ZNF66: variants seen among roughly 807,000 people sequenced by gnomAD.
The protein encoded by ZNF66 is zinc finger protein 66.
ZNF66 carries 32 observed loss-of-function variants against 35.2 expected under a neutral mutation model. That is an observed-to-expected ratio of 0.91 (90% confidence interval 0.69 to 1.22). The LOEUF (loss-of-function observed/expected upper bound fraction) is 1.22. Among genes scored for constraint, ZNF66 ranks in the 50% most tolerant of loss-of-function variants. The pLI is 0.00. For missense variants in ZNF66, 666 were observed against 543.1 expected (o/e 1.23, Z -2.25); for synonymous variants, 231 against 181.3 (o/e 1.27, Z -2.20).
intron 3 of ZNF66, among the ~76,000 whole-genome samples, chr19:20,804,998 G>A (rs760982418): frequency 2.2e-4 from 33 of 151,992 alleles, no homozygotes; most frequent in Non-Finnish European, 3.7e-4. Context: ...TTTATGTCAT[G>A]GGAGACATTT....
Position 20,808,235 on chromosome 19 carries a change from C to G in ZNF66, c.*913C>G, listed in dbSNP as rs1339649087. Among the ~76,000 whole-genome samples the G allele has an allele frequency of 1.3e-5, 2 of 152,220 alleles. No homozygotes were observed. Among genetic ancestry groups the G allele is most frequent in the Non-Finnish European group, 2.9e-5 (2 of 68,038 alleles). ...GAACTGGGTGGAGCCCACCACAGCTCAAGGAGGCCTGCCTGCCTCTGTAGG... is the reference window on the plus strand; with the variant it reads ...GAACTGGGTGGAGCCCACCACAGCTGAAGGAGGCCTGCCTGCCTCTGTAGG... On this transcript the variant is annotated 3_prime_UTR_variant, in exon 4 of 4. Transcript: ENST00000344519.
chr19:20,803,867 A>C (rs452446), intron 3 of ZNF66, among the ~76,000 whole-genome samples: 14,127 of 152,088 alleles, frequency 0.093, 654 homozygotes, highest in Middle Eastern at 0.11. Context: ...TCTCACTTGA[A>C]AGCTTTTTTT....
chr19:20,799,277 G>C (rs916023794), intron 3 of ZNF66: 1 of 151,818 alleles, frequency 6.6e-6, no homozygotes, highest in Non-Finnish European at 1.5e-5. Context: ...GGCCAGGCTC[G>C]TCTCAAACTC....
chr19:20,790,875 T>C (rs1971330944), intron 1 of ZNF66, among the ~76,000 whole-genome samples: 1 of 152,192 alleles, frequency 6.6e-6, no homozygotes, highest in African/African-American at 2.4e-5. Context: ...TTTTCCTCCC[T>C]AAGGAGTTTG....
intron 3 of ZNF66, among the ~76,000 whole-genome samples, chr19:20,796,946 G>GC (rs1971397673): frequency 1.3e-5 from 2 of 152,164 alleles, no homozygotes; most frequent in African/African-American, 4.8e-5. Context: ...CACCTTCCAG[G>GC]TTCAAGCAAT....
intron 3 of ZNF66, among the ~76,000 whole-genome samples, chr19:20,805,515 A>G (rs900100542): frequency 9.9e-5 from 15 of 152,070 alleles, no homozygotes; most frequent in Non-Finnish European, 1.3e-4. Flanking sequence ...TAAAGGCACA[A>G]TGTTATACTG....
Position 20,808,977 on chromosome 19 carries a change from A to G in ZNF66, c.*1655A>G, listed in dbSNP as rs1395121056. 6.6e-6 allele frequency among the ~76,000 whole-genome samples: 1 copy of G among 152,142 alleles called. No homozygotes were observed. Among genetic ancestry groups the G allele is most frequent in the Non-Finnish European group, 1.5e-5 (1 of 68,028 alleles). On this transcript the variant is annotated 3_prime_UTR_variant, in exon 4 of 4. Coordinates refer to ENST00000344519, the MANE Select transcript of ZNF66 (RefSeq NM_001355197.2). ...TGTATAACTAGAATAACCAATGCAG[A>G]GAAATGCTTAAAGGAGCTGATGGAG...
chr19:20,806,670 C>A lies in ZNF66; in HGVS notation c.1070C>A (p.Thr357Asn), dbSNP rs746954167. 1.3e-6 allele frequency: 2 copies of A among 1,510,314 alleles called. No homozygotes were observed. The highest frequency in any genetic ancestry group is 2.3e-5 in the East Asian group (1 of 44,342). The allele number at this position is 1,510,314 out of a possible 1,614,324, so 93.6% of individuals were successfully genotyped here. ...GGCTTTAAGTACTCCTCTACCCTTA[C>A]TAAACATAAAATAATCCATACTGGA... is the stretch of plus-strand genomic sequence containing the variant. The part of the protein sequence containing the change: ...GKGFKYSSTL[T>N]KHKIIHTGEK... Residue 357 changes from threonine (T) to asparagine (N), a missense_variant, in exon 4 of 4, where the codon ACT becomes AAT. Coordinates refer to ENST00000344519, the MANE Select transcript of ZNF66 (RefSeq NM_001355197.2).
chr19:20,793,954 GGT>G, intron 3 of ZNF66, 76 bp downstream of exon 3: 1 of 693,728 alleles, frequency 1.4e-6, no homozygotes, highest in South Asian at 2.6e-5. Flanking sequence ...CAGTCCTTAA[GGT>G]GTGATTCTGG....
At chr19:20,777,620 A>AATTATTATT (rs150715481) in intron 1 of ZNF66, among the ~76,000 whole-genome samples, 24 of 150,280 alleles carry the variant, frequency 1.6e-4, no homozygotes, top group Admixed American at 5.3e-4. Flanking sequence ...TTCCTCAATT[A>AATTATTATT]ATTATTATTA....
chr19:20,779,743 A>G (rs1479243293), intron 1 of ZNF66, among the ~76,000 whole-genome samples: 4 of 142,920 alleles, frequency 2.8e-5, no homozygotes, highest in Non-Finnish European at 4.6e-5. Context: ...CCTGACCAAC[A>G]TGGAGAAATC....
At position 20,792,627 on chromosome 19, in the gene ZNF66, TG is replaced by T; in HGVS notation, c.121del (p.Val41SerfsTer31). On this transcript the variant is annotated frameshift_variant, in exon 2 of 4. Transcript: ENST00000344519. LOFTEE classifies it high-confidence loss of function. ...RDVMLENYRNLVFLGIVVSKP... is the reference protein window; with the variant it reads ...RDVMLENYRNXVFLGIVVSKP... ...GTGATGTTAGAGAACTACAGAAACC[TG>T]GTCTTTCTTGGTGAGAAAAACTTTA... 1 of 1,420,962 alleles carries T rather than the reference TG, an allele frequency of 7.0e-7. No homozygotes were observed. Among genetic ancestry groups the T allele is most frequent in the Non-Finnish European group, 9.8e-7 (1 of 1,018,508 alleles). 88.0% of individuals were successfully genotyped at this position (1,420,962 alleles called of 1,614,324 possible).
In ZNF66 at chr19:20,805,891, A is replaced by C. The variant is rs550796323; in HGVS notation, c.291A>C (p.Lys97Asn). The C allele has an allele frequency of 1.5e-6, 1 of 657,882 alleles. No individual in the cohort carries two copies. Among genetic ancestry groups the C allele is most frequent in the East Asian group, 2.5e-5 (1 of 39,510 alleles). 40.8% of individuals were successfully genotyped at this position (657,882 alleles called of 1,614,324 possible). ...PEQSIKDSFQ[K>N]LILRRHKKCG... ...AGAGCATAAAAGATTCTTTCCAAAA[A>C]CTGATACTGAGAAGGCATAAAAAAT... Residue 97 changes from lysine to asparagine, a missense_variant, in exon 4 of 4, where the codon AAA (lysine) becomes AAC (asparagine). By Grantham distance (94) the Lys-to-Asn change is moderately conservative (BLOSUM62 0). Coordinates refer to ENST00000344519, the MANE Select transcript of ZNF66 (RefSeq NM_001355197.2).
At chr19:20,782,264 C>T (rs1364677566) in intron 1 of ZNF66, among the ~76,000 whole-genome samples, 1 of 152,212 alleles carries the variant, frequency 6.6e-6, no homozygotes, top group Non-Finnish European at 1.5e-5. Flanking sequence ...TTTCTTTACC[C>T]AGTCTACCAT....
chr19:20,807,009 AAC>A lies in ZNF66; in HGVS notation c.1413_1414del (p.His471GlnfsTer13), dbSNP rs1971523925. The stretch of plus-strand genomic sequence containing the variant: ...TTTAACCGCTCCTCTAACCTTACTA[AAC>A]ACAAGAAAATTCATACTGGAGAGAA... On this transcript the variant is annotated frameshift_variant, in exon 4 of 4. Transcript: ENST00000344519. LOFTEE classifies it high-confidence loss of function. 1.1e-6 allele frequency: 1 copy of A among 916,680 alleles called. No individual in the cohort carries two copies. Among genetic ancestry groups the A allele is most frequent in the South Asian group, 1.3e-5 (1 of 75,686 alleles). The allele number at this position is 916,680 out of a possible 1,614,324, so 56.8% of individuals were successfully genotyped here.
At chr19:20,797,713 G>A (rs185388389) in intron 3 of ZNF66, among the ~76,000 whole-genome samples, 3 of 151,898 alleles carry the variant, frequency 2.0e-5, no homozygotes, top group African/African-American at 2.4e-5. Context: ...ACTGGCGTGT[G>A]CCACCATGCC....
intron 3 of ZNF66, among the ~76,000 whole-genome samples, chr19:20,795,180 T>A (rs58638426): frequency 0.093 from 14,170 of 151,860 alleles, 675 homozygotes; most frequent in Middle Eastern, 0.11. Flanking sequence ...TGGCTGGATT[T>A]TTTTATTTCT....
At chr19:20,780,647 T>C (rs1411528970) in intron 1 of ZNF66, among the ~76,000 whole-genome samples, 2 of 152,156 alleles carry the variant, frequency 1.3e-5, no homozygotes, top group Non-Finnish European at 2.9e-5. Context: ...TGTTGGAGAA[T>C]TGTTTAATGT....
rs1322330296 is a variant in ZNF66, at chr19:20,807,842, G to A, written c.*520G>A. Among the ~76,000 whole-genome samples the A allele has an allele frequency of 1.3e-5, 2 of 152,124 alleles. No individual in the cohort carries two copies. The highest frequency in any genetic ancestry group is 1.5e-5 in the Non-Finnish European group (1 of 68,004). ...TGATGTACCAGGTTCATCTCACTAG[G>A]GAGTGCCAGACAGTGGCTGCAGGAC... is the stretch of plus-strand genomic sequence containing the variant. On this transcript the variant is annotated 3_prime_UTR_variant, in exon 4 of 4. Coordinates refer to ENST00000344519, the MANE Select transcript of ZNF66 (RefSeq NM_001355197.2).
Sources: gnomAD v4.1 joint callset for allele counts (sites outside exome capture counted in the v4.1 genomes callset) on GRCh38, gnomAD v4.1.1 for gene constraint, MANE v1.5 for transcripts, NCBI Gene and HGNC (gene_info 2026-07-23, HGNC 2026-07-21) for gene names.